FOXK1: variants seen among roughly 807,000 people sequenced by gnomAD.
The protein encoded by FOXK1 is forkhead box protein K1.
Under a neutral mutation model 51.9 loss-of-function variants are expected in FOXK1, and 19 were observed. That is an observed-to-expected ratio of 0.37 (90% CI 0.26 to 0.54). The LOEUF (loss-of-function observed/expected upper bound fraction) is 0.54. Among genes scored for constraint, FOXK1 ranks in the 20% least tolerant of loss-of-function variants. The probability of loss-of-function intolerance (pLI) is 0.87; values close to 1 mark genes in which losing one functional copy is unlikely to be tolerated. For synonymous variants in FOXK1, 537 were observed against 482.6 expected (o/e 1.11, Z -1.48); for missense variants, 870 against 1,032.7 (o/e 0.84, Z 2.16).
intron 1 of FOXK1, among the ~76,000 whole-genome samples, chr7:4,706,015 T>TATAC (rs1780094113): frequency 1.0e-5 from 1 of 98,792 alleles, no homozygotes; most frequent in African/African-American, 9.0e-5. Flanking sequence ...TATATATACG[T>TATAC]ATATATACGT....
rs1422714930 is a variant in FOXK1, at chr7:4,729,259, C to A, written c.561-11579C>A. On this transcript the variant is annotated intron_variant, in intron 1 of 8. Coordinates refer to ENST00000328914, the MANE Select transcript of FOXK1 (RefSeq NM_001037165.2). The surrounding 1 kb of genome is among the most constrained non-coding windows in gnomAD (Gnocchi z 6.2). ...AGCAGGCAGTGGCTTTCTCCTGGGCCAGGCAGGGTTGTCTGGGGAGTGGAA... is the reference window on the plus strand; with the variant it reads ...AGCAGGCAGTGGCTTTCTCCTGGGCAAGGCAGGGTTGTCTGGGGAGTGGAA... Among the ~76,000 whole-genome samples the A allele has an allele frequency of 6.6e-6, 1 of 152,170 alleles. No individual in the cohort carries two copies. The highest frequency in any genetic ancestry group is 2.4e-5 in the African/African-American group (1 of 41,436).
At chr7:4,697,001 G>T (rs566862274) in intron 1 of FOXK1, among the ~76,000 whole-genome samples, 5 of 152,182 alleles carry the variant, frequency 3.3e-5, no homozygotes, top group Admixed American at 6.5e-5. Flanking sequence ...CCGGGAGGCG[G>T]AGGTTGCAGT....
At chr7:4,740,710 C>T (rs1583204252) in intron 1 of FOXK1, 128 bp from the exon 2 acceptor site, 2 of 895,976 alleles carry the variant, frequency 2.2e-6, no homozygotes, top group Non-Finnish European at 3.4e-6. Flanking sequence ...ATCGAAACTG[C>T]TCTCTGGGGC....
At chr7:4,708,573 A>T (rs1405432387) in intron 1 of FOXK1, among the ~76,000 whole-genome samples, 3 of 152,242 alleles carry the variant, frequency 2.0e-5, no homozygotes, top group Non-Finnish European at 4.4e-5. Flanking sequence ...TTGATATCAT[A>T]AAAGTATAGC....
rs1224289076 is a variant in FOXK1, at chr7:4,687,360, T to C, written c.560+4492T>C. 2.0e-5 allele frequency among the ~76,000 whole-genome samples: 3 copies of C among 152,074 alleles called. No homozygotes were observed. The South Asian group carries it at 6.2e-4, about 31-fold the overall frequency. ...CGGGCTGGAGTGCAGGGGTGTGATC[T>C]CAGCTCACTGAAACCTCCGCCTCCC... On this transcript the variant is annotated intron_variant, in intron 1 of 8. Transcript: ENST00000328914.
intron 2 of FOXK1, among the ~76,000 whole-genome samples, chr7:4,752,137 C>A (rs1193283661): frequency 6.6e-6 from 1 of 152,094 alleles, no homozygotes; most frequent in Non-Finnish European, 1.5e-5. Context: ...AATGTTAAAA[C>A]TTTGTTTATT....
At position 4,758,562 on chromosome 7, in the gene FOXK1, C is replaced by A. The variant is rs1361565914; in HGVS notation, c.1245-489C>A. 2 of 155,778 alleles carry A rather than the reference C, an allele frequency of 1.3e-5. No individual in the cohort carries two copies. The highest frequency in any genetic ancestry group is 2.4e-5 in the African/African-American group (1 of 41,590). The allele number at this position is 155,778 out of a possible 1,614,324, so 9.6% of individuals were successfully genotyped here. On this transcript the variant is annotated intron_variant, in intron 5 of 8. Transcript: ENST00000328914. The surrounding 1 kb of genome is among the most constrained non-coding windows in gnomAD (Gnocchi z 4.4). ...GAGCACAGGGTCTGGCATTGTGATT[C>A]TCAGGTGAACTGGGCGTATGGTTGA...
At position 4,748,947 on chromosome 7, in the gene FOXK1, G is replaced by A. The variant is rs534759290; in HGVS notation, c.747-5512G>A. ...GCCCACCTCAGCCTCCCAAAGCGCTGGGATTACAGGTGTGAGCCACCTCGC... is the reference window on the plus strand; with the variant it reads ...GCCCACCTCAGCCTCCCAAAGCGCTAGGATTACAGGTGTGAGCCACCTCGC... On this transcript the variant is annotated intron_variant, in intron 2 of 8. Coordinates refer to ENST00000328914, the MANE Select transcript of FOXK1 (RefSeq NM_001037165.2). This position sits in a 1 kb window ranked among gnomAD's most constrained non-coding sequence, Gnocchi z 4.9. Among the ~76,000 whole-genome samples the A allele has an allele frequency of 1.3e-5, 2 of 152,290 alleles. No individual in the cohort carries two copies. The highest frequency in any genetic ancestry group is 1.9e-4 in the East Asian group (1 of 5,176).
Position 4,761,067 on chromosome 7 carries a change from T to C in FOXK1, c.1700T>C (p.Leu567Pro). The C allele has an allele frequency of 6.2e-7, 1 of 1,611,102 alleles. No individual in the cohort carries two copies. Among genetic ancestry groups the C allele is most frequent in the Non-Finnish European group, 8.5e-7 (1 of 1,178,254 alleles). ...VLDLGSEARGLEEKPTIAFAT... is the reference protein window; with the variant it reads ...VLDLGSEARGPEEKPTIAFAT... ...TGACTTGGTTCCTGTCCCGCAGGCCTGGAGGAGAAACCCACCATTGCGTTT... is the reference window on the plus strand; with the variant it reads ...TGACTTGGTTCCTGTCCCGCAGGCCCGGAGGAGAAACCCACCATTGCGTTT... Residue 567 changes from leucine (L) to proline (P), a missense_variant, in exon 8 of 9, where the codon CTG becomes CCG. Around this residue, in one of 3 missense-constraint regions of FOXK1, gnomAD observed 457 missense variants for 510.8 expected, o/e 0.89. Coordinates refer to ENST00000328914, the MANE Select transcript of FOXK1 (RefSeq NM_001037165.2). This position sits in a 1 kb window ranked among gnomAD's most constrained non-coding sequence, Gnocchi z 6.2.
intron 2 of FOXK1, among the ~76,000 whole-genome samples, chr7:4,754,193 G>A (rs1780813319): frequency 6.6e-6 from 1 of 152,224 alleles, no homozygotes; most frequent in African/African-American, 2.4e-5. Context: ...GTGCTGCCCT[G>A]GGCCCTGCAT....
At chr7:4,721,225 G>C (rs1459528263) in intron 1 of FOXK1, among the ~76,000 whole-genome samples, 1 of 152,202 alleles carries the variant, frequency 6.6e-6, no homozygotes, top group Admixed American at 6.5e-5. Context: ...CTGGAGCTTG[G>C]ATCCTGGACA....
In FOXK1 at chr7:4,762,047, G is replaced by A; in HGVS notation, c.1922-137G>A. ...GCAGGGCCCGCAGGGAGCAGAGCAAGGGTAGCCGTCCTGCCTGGCAGGGGT... is the reference window on the plus strand; with the variant it reads ...GCAGGGCCCGCAGGGAGCAGAGCAAAGGTAGCCGTCCTGCCTGGCAGGGGT... On this transcript the variant is annotated intron_variant, in intron 8 of 8. Transcript: ENST00000328914. This position sits in a 1 kb window ranked among gnomAD's most constrained non-coding sequence, Gnocchi z 5.7. 9.9e-7 allele frequency: 1 copy of A among 1,007,410 alleles called. No homozygotes were observed. The highest frequency in any genetic ancestry group is 2.6e-5 in the East Asian group (1 of 37,914). The allele number at this position is 1,007,410 out of a possible 1,614,324, so 62.4% of individuals were successfully genotyped here.
chr7:4,748,965 C>T lies in FOXK1; in HGVS notation c.747-5494C>T, dbSNP rs1356712140. On this transcript the variant is annotated intron_variant, in intron 2 of 8. Coordinates refer to ENST00000328914, the MANE Select transcript of FOXK1 (RefSeq NM_001037165.2). This position sits in a 1 kb window ranked among gnomAD's most constrained non-coding sequence, Gnocchi z 4.9. The stretch of plus-strand genomic sequence containing the variant: ...AAGCGCTGGGATTACAGGTGTGAGC[C>T]ACCTCGCCTGGACCCCCAGGTTCCT... Among the ~76,000 whole-genome samples the T allele has an allele frequency of 1.3e-5, 2 of 152,168 alleles. No homozygotes were observed. The highest frequency in any genetic ancestry group is 2.9e-5 in the Non-Finnish European group (2 of 68,030).
chr7:4,714,866 G>A (rs541947921), intron 1 of FOXK1, among the ~76,000 whole-genome samples: 1 of 152,306 alleles, frequency 6.6e-6, no homozygotes, highest in Non-Finnish European at 1.5e-5. Flanking sequence ...TTGTCCACCT[G>A]AGTCCGATTT....
rs1488307278 is a variant in FOXK1 at position 4,711,793 on chromosome 7, C to T, written c.560+28925C>T. On this transcript the variant is annotated intron_variant, in intron 1 of 8. Transcript: ENST00000328914. The surrounding 1 kb of genome is among the most constrained non-coding windows in gnomAD (Gnocchi z 6.3). ...CGTAGTGCCTCCAGGGCAGATGCCACGGACCGTAGAGAAGCAACGCAAGGT... is the reference window on the plus strand; with the variant it reads ...CGTAGTGCCTCCAGGGCAGATGCCATGGACCGTAGAGAAGCAACGCAAGGT... Among the ~76,000 whole-genome samples, 1 of 152,222 alleles carries T rather than the reference C, an allele frequency of 6.6e-6. No homozygotes were observed. The highest frequency in any genetic ancestry group is 1.9e-4 in the East Asian group (1 of 5,204).
Position 4,722,701 on chromosome 7 carries a change from C to T in FOXK1, c.561-18137C>T, listed in dbSNP as rs957218939. Among the ~76,000 whole-genome samples, 12 of 152,218 alleles carry T rather than the reference C, an allele frequency of 7.9e-5. No individual in the cohort carries two copies. Among genetic ancestry groups the T allele is most frequent in the Non-Finnish European group, 1.8e-4 (12 of 68,034 alleles). ...TGAAACGAGGAAGTCGTAGGAGACC[C>T]ACCTCAGATGCTCGGGTGCACATCT... On this transcript the variant is annotated intron_variant, in intron 1 of 8. Coordinates refer to ENST00000328914, the MANE Select transcript of FOXK1 (RefSeq NM_001037165.2). The surrounding 1 kb of genome is among the most constrained non-coding windows in gnomAD (Gnocchi z 5.1).
Position 4,705,554 on chromosome 7 carries a change from T to TCTCGCTCTCG in FOXK1, c.560+22689_560+22690insGCTCTCGCTC, listed in dbSNP as rs1554249289. Reference sequence around the variant, plus strand: ...CTCTCTCTCTCTCTCTCTCTCTCTCTCTCTCGCTCTCGCTCTCTCGTCGCC... The same window carrying TCTCGCTCTCG: ...CTCTCTCTCTCTCTCTCTCTCTCTCTCTCGCTCTCGCTCTCGCTCTCGCTCTCTCGTCGCC... On this transcript the variant is annotated intron_variant, in intron 1 of 8. Coordinates refer to ENST00000328914, the MANE Select transcript of FOXK1 (RefSeq NM_001037165.2). Among the ~76,000 whole-genome samples, 182 of 131,584 alleles carry TCTCGCTCTCG rather than the reference T, an allele frequency of 1.4e-3. 1 individual carries two copies. Among genetic ancestry groups the TCTCGCTCTCG allele is most frequent in the African/African-American group, 5.5e-3 (175 of 31,770 alleles). The allele number at this position is 131,584 out of a possible 152,430, so 86.3% of individuals were successfully genotyped here. A position where few individuals can be genotyped will look rare whatever the true frequency, so the allele number is the denominator to read the frequency against.
intron 2 of FOXK1, among the ~76,000 whole-genome samples, chr7:4,742,158 A>G (rs1468606417): frequency 6.6e-6 from 1 of 152,252 alleles, no homozygotes; most frequent in African/African-American, 2.4e-5. Context: ...AGGTCACCCC[A>G]GTGGAAAAAG....
chr7:4,762,451 G>A lies in FOXK1; in HGVS notation c.2189G>A (p.Gly730Asp). The A allele has an allele frequency of 6.5e-7, 1 of 1,542,994 alleles. No homozygotes were observed. Among genetic ancestry groups the A allele is most frequent in the African/African-American group, 1.4e-5 (1 of 72,968 alleles). The change falls in exon 9 of 9, where the codon GGC becomes GAC. Residue 730 changes from glycine (G) to aspartate (D), a missense_variant. Transcript: ENST00000328914. The surrounding 1 kb of genome is among the most constrained non-coding windows in gnomAD (Gnocchi z 5.7). ...GCAGCTGCCGGCCCCCAGGGGCCAG[G>A]CACCGGGGAGTGAGGTCACCTGCAA... ...VIAAAGPQGPGTGE is the reference protein window; with the variant it reads ...VIAAAGPQGPDTGE
Sources: gnomAD v4.1 joint callset for allele counts (sites outside exome capture counted in the v4.1 genomes callset) on GRCh38, gnomAD v4.1.1 for gene constraint, gnomAD v4.1.1 regional missense constraint, Gnocchi (gnomAD v3.1) non-coding constraint, MANE v1.5 for transcripts, NCBI Gene and HGNC (gene_info 2026-07-23, HGNC 2026-07-21) for gene names.